The following STXBP5L variants were observed in gnomAD, a reference collection of about 807,000 sequenced individuals.
STXBP5L encodes syntaxin binding protein 5L, also known as syntaxin-binding protein 5-like.
A neutral mutation model predicts 144.5 loss-of-function variants in STXBP5L; 65 were observed. That is an observed-to-expected ratio of 0.45 (90% CI 0.37 to 0.55). STXBP5L has a LOEUF of 0.55. STXBP5L is among the 20% of genes least tolerant of loss of function. STXBP5L has a pLI of 0.00. For synonymous variants in STXBP5L, 505 were observed against 469.6 expected (o/e 1.08, Z -0.97); for missense variants, 1,298 against 1,405.5 (o/e 0.92, Z 1.22).
intron 3 of STXBP5L, among the ~76,000 whole-genome samples, chr3:120,981,827 TG>T (rs1276857533): frequency 6.6e-6 from 1 of 152,224 alleles, no homozygotes; most frequent in Admixed American, 6.5e-5. Context: ...AGTTTAGTTT[TG>T]TTTTGATGGG....
intron 5 of STXBP5L, among the ~76,000 whole-genome samples, chr3:121,053,344 C>G (rs1948178461): frequency 1.3e-5 from 2 of 152,168 alleles, no homozygotes; most frequent in South Asian, 4.1e-4. Context: ...TCAAACTATA[C>G]TACAAGGCTA....
At chr3:121,308,821 G>T (rs1009515152) in intron 19 of STXBP5L, among the ~76,000 whole-genome samples, 1 of 152,026 alleles carries the variant, frequency 6.6e-6, no homozygotes, top group Non-Finnish European at 1.5e-5. Flanking sequence ...TTATTGGTTT[G>T]TAAAATATAT....
intron 5 of STXBP5L, among the ~76,000 whole-genome samples, chr3:121,097,631 C>T (rs1433274666): frequency 1.3e-5 from 2 of 152,148 alleles, no homozygotes; most frequent in Non-Finnish European, 2.9e-5. Flanking sequence ...AGATCACCCT[C>T]CGTGAGCTGC....
chr3:120,974,379 T>C (rs1940674165), intron 3 of STXBP5L, among the ~76,000 whole-genome samples: 1 of 151,760 alleles, frequency 6.6e-6, no homozygotes, highest in African/African-American at 2.4e-5. Context: ...GCCCACTTTT[T>C]GATGGGGTTG....
At position 121,384,422 on chromosome 3, in the gene STXBP5L, C is replaced by T. The variant is rs74931129; in HGVS notation, c.2587+2890C>T. ...CTCACAATTGTAATCTCAGCATTTT[C>T]GAAGACCAAAGTGAGAGGAATGCTA... On this transcript the variant is annotated intron_variant, in intron 22 of 26. Coordinates refer to ENST00000471454, the MANE Select transcript of STXBP5L (RefSeq NM_001308330.2). Among the ~76,000 whole-genome samples, 204 of 151,922 alleles carry T rather than the reference C, an allele frequency of 1.3e-3. 2 individuals are homozygous for T. The East Asian group carries it at 0.029, about 22-fold the overall frequency.
At chr3:121,189,635 T>C (rs1207971539) in intron 9 of STXBP5L, among the ~76,000 whole-genome samples, 1 of 152,242 alleles carries the variant, frequency 6.6e-6, no homozygotes, top group Non-Finnish European at 1.5e-5. Flanking sequence ...CCTTGTAGTA[T>C]AGTTTGAAGT....
chr3:121,004,835 T>A (rs1944130101), intron 3 of STXBP5L, among the ~76,000 whole-genome samples: 1 of 152,206 alleles, frequency 6.6e-6, no homozygotes, highest in Non-Finnish European at 1.5e-5. Context: ...TTGGTTTTAT[T>A]TATATGCTGG....
intron 20 of STXBP5L, among the ~76,000 whole-genome samples, chr3:121,327,621 T>C (rs1355452): frequency 0.26 from 38,807 of 152,132 alleles, 5,112 homozygotes; most frequent in Admixed American, 0.35. Flanking sequence ...TCTGTGGGGA[T>C]GCTTTCCTAT....
chr3:121,346,005 C>A (rs924787230), intron 20 of STXBP5L, among the ~76,000 whole-genome samples: 1 of 151,532 alleles, frequency 6.6e-6, no homozygotes, highest in Non-Finnish European at 1.5e-5. Context: ...GCACAACGTG[C>A]GGGTTTGTTG....
At chr3:121,024,646 C>A (rs1022041617) in intron 3 of STXBP5L, among the ~76,000 whole-genome samples, 3 of 152,120 alleles carry the variant, frequency 2.0e-5, no homozygotes, top group Non-Finnish European at 4.4e-5. Flanking sequence ...TTTATAAACT[C>A]ATTCTACCAT....
At chr3:121,122,512 G>A (rs1171617979) in intron 7 of STXBP5L, among the ~76,000 whole-genome samples, 2 of 151,262 alleles carry the variant, frequency 1.3e-5, no homozygotes, top group Non-Finnish European at 1.5e-5. Context: ...TGTTATATTG[G>A]TACAGGGGTA....
At position 121,414,381 on chromosome 3, in the gene STXBP5L, C is replaced by T. The variant is rs113500847; in HGVS notation, c.3114+1058C>T. On this transcript the variant is annotated intron_variant, in intron 24 of 26. Transcript: ENST00000471454. Reference sequence around the variant, plus strand: ...TTTAACCCGTTGACTCTCTAACATGCTTTTTAAAAATTTTGTGACCACCCT... The same window carrying T: ...TTTAACCCGTTGACTCTCTAACATGTTTTTTAAAAATTTTGTGACCACCCT... Among the ~76,000 whole-genome samples, 1,129 of 152,238 alleles carry T rather than the reference C, an allele frequency of 7.4e-3. 8 individuals carry two copies. The highest frequency in any genetic ancestry group is 0.013 in the South Asian group (62 of 4,818).
intron 5 of STXBP5L, among the ~76,000 whole-genome samples, chr3:121,090,411 G>A (rs1028585247): frequency 2.0e-5 from 3 of 152,046 alleles, no homozygotes; most frequent in Non-Finnish European, 2.9e-5. Flanking sequence ...CCTCCTTACT[G>A]CTCCTCAAAT....
chr3:121,186,011 A>G (rs908910164), intron 9 of STXBP5L, among the ~76,000 whole-genome samples: 24 of 152,108 alleles, frequency 1.6e-4, no homozygotes, highest in Admixed American at 6.6e-4. Context: ...GAGGTCCTTC[A>G]TGTCCCTTGT....
chr3:121,194,851 A>T (rs2047855256), intron 9 of STXBP5L, among the ~76,000 whole-genome samples: 1 of 147,764 alleles, frequency 6.8e-6, no homozygotes. Context: ...GAATATTGTT[A>T]TTAATAATAC....
At chr3:121,300,547 T>A (rs931633146) in intron 19 of STXBP5L, among the ~76,000 whole-genome samples, 3 of 152,038 alleles carry the variant, frequency 2.0e-5, no homozygotes, top group Non-Finnish European at 4.4e-5. Context: ...GGAGAAGTGA[T>A]GTAAGAATAA....
chr3:121,119,429 A>T (rs1248111240), intron 6 of STXBP5L, among the ~76,000 whole-genome samples: 1 of 151,394 alleles, frequency 6.6e-6, no homozygotes, highest in Non-Finnish European at 1.5e-5. Flanking sequence ...TAGAATATCA[A>T]TATTTAAGAT....
intron 5 of STXBP5L, among the ~76,000 whole-genome samples, chr3:121,060,900 G>A (rs1380542239): frequency 6.6e-6 from 1 of 151,970 alleles, no homozygotes; most frequent in Non-Finnish European, 1.5e-5. Flanking sequence ...TATCTATTTT[G>A]TTGATCTTTT....
intron 19 of STXBP5L, among the ~76,000 whole-genome samples, chr3:121,289,350 T>A (rs563771141): frequency 4.6e-5 from 7 of 152,138 alleles, no homozygotes; most frequent in African/African-American, 1.7e-4. Context: ...CGGGAAAATA[T>A]AACAATTCTA....
Sources: gnomAD v4.1 joint callset for allele counts (sites outside exome capture counted in the v4.1 genomes callset) on GRCh38, gnomAD v4.1.1 for gene constraint, MANE v1.5 for transcripts, NCBI Gene and HGNC (gene_info 2026-07-23, HGNC 2026-07-21) for gene names.